RCSD1: variants seen among roughly 807,000 people sequenced by gnomAD.
RCSD1 encodes capZ-interacting protein.
In RCSD1, 26 loss-of-function variants were observed where a neutral mutation model predicts 42.5. That is an observed-to-expected ratio of 0.61 (90% CI 0.45 to 0.85). The LOEUF (loss-of-function observed/expected upper bound fraction) is 0.85. Among genes scored for constraint, RCSD1 ranks in the 40% least tolerant of loss-of-function variants. The pLI, the probability that RCSD1 is intolerant of heterozygous loss-of-function variation, is 0.00. For synonymous variants in RCSD1, 220 were observed against 212.2 expected (o/e 1.04, Z -0.32); for missense variants, 571 against 528.3 (o/e 1.08, Z -0.79).
In RCSD1 at chr1:167,697,294, G is replaced by A. The variant is rs751185286; in HGVS notation, c.670G>A (p.Ala224Thr). ...ATCCCCTTTGTCCAGTGAGGGAGCAGCGGGAGAGGGAGTGAGAACCCTGGG... is the reference window on the plus strand; with the variant it reads ...ATCCCCTTTGTCCAGTGAGGGAGCAACGGGAGAGGGAGTGAGAACCCTGGG... ...PGSPLSSEGA[A>T]GEGVRTLGPA... is the part of the protein sequence containing the mutation. Residue 224 changes from alanine (A) to threonine (T), a missense_variant, in exon 6 of 7, where the codon GCG becomes ACG. Coordinates refer to ENST00000367854, the MANE Select transcript of RCSD1 (RefSeq NM_052862.4). 3.7e-6 allele frequency: 6 copies of A among 1,614,156 alleles called. No individual in the cohort carries two copies. The South Asian group carries it at 6.6e-5, about 18-fold the overall frequency.
chr1:167,678,332 G>C (rs1191782527), intron 1 of RCSD1, among the ~76,000 whole-genome samples: 1 of 152,104 alleles, frequency 6.6e-6, no homozygotes, highest in Non-Finnish European at 1.5e-5. Flanking sequence ...ACGTCTAATA[G>C]ACATGTCAGA....
intron 1 of RCSD1, among the ~76,000 whole-genome samples, chr1:167,669,892 G>A (rs1020186403): frequency 6.6e-5 from 10 of 152,130 alleles, no homozygotes; most frequent in Admixed American, 3.3e-4. Context: ...GATGCAGACC[G>A]GGGGCTGGGT....
chr1:167,682,788 G>A (rs974574366), intron 1 of RCSD1, among the ~76,000 whole-genome samples: 7 of 151,956 alleles, frequency 4.6e-5, no homozygotes, highest in Non-Finnish European at 8.8e-5. Flanking sequence ...AGGCAGGATG[G>A]ACTTTCTCAG....
chr1:167,669,137 G>A (rs1368125762), intron 1 of RCSD1, among the ~76,000 whole-genome samples: 1 of 152,178 alleles, frequency 6.6e-6, no homozygotes, highest in African/African-American at 2.4e-5. Context: ...ATAATCTAAT[G>A]ACTGTGACAT....
intron 1 of RCSD1, among the ~76,000 whole-genome samples, chr1:167,649,129 G>A (rs1390410552): frequency 6.6e-6 from 1 of 152,170 alleles, no homozygotes; most frequent in Non-Finnish European, 1.5e-5. Context: ...GGGAAAGAAA[G>A]ACTTCTTAAA....
At chr1:167,667,048 G>T (rs1347242909) in intron 1 of RCSD1, among the ~76,000 whole-genome samples, 1 of 151,362 alleles carries the variant, frequency 6.6e-6, no homozygotes, top group Non-Finnish European at 1.5e-5. Context: ...GCAGGCTGGT[G>T]AGAGGAGATG....
At chr1:167,643,005 C>G (rs1658044677) in intron 1 of RCSD1, among the ~76,000 whole-genome samples, 1 of 152,214 alleles carries the variant, frequency 6.6e-6, no homozygotes, top group Non-Finnish European at 1.5e-5. Context: ...GAAAGACCAT[C>G]AATCCTGGGT....
chr1:167,639,031 C>A (rs1657936835), intron 1 of RCSD1, among the ~76,000 whole-genome samples: 1 of 152,118 alleles, frequency 6.6e-6, no homozygotes, highest in Admixed American at 6.5e-5. Flanking sequence ...TCCTGGCTAA[C>A]ACGATAAAAC....
chr1:167,698,605 T>G (rs1659556993), intron 6 of RCSD1, among the ~76,000 whole-genome samples: 1 of 151,854 alleles, frequency 6.6e-6, no homozygotes, highest in Admixed American at 6.6e-5. Context: ...CATCTTGAGC[T>G]CACCTATCTA....
In RCSD1 at chr1:167,690,087, G is replaced by A. The variant is rs1659340166; in HGVS notation, c.237G>A (p.Lys79=). 1 of 1,613,984 alleles carries A rather than the reference G, an allele frequency of 6.2e-7. No homozygotes were observed. The highest frequency in any genetic ancestry group is 1.3e-5 in the African/African-American group (1 of 74,894). ...ATGCGAGCCACCCTCCTAAATTCAA[G>A]GTCAAGAGCTCGCCTCTGATTGAGA... ...PPNASHPPKF[K]VKSSPLIEKL... The change falls in exon 4 of 7, where the codon AAG becomes AAA. Residue 79 remains lysine (K), a synonymous_variant. Transcript: ENST00000367854.
chr1:167,660,884 T>C (rs1026269376), intron 1 of RCSD1, among the ~76,000 whole-genome samples: 11 of 152,326 alleles, frequency 7.2e-5, no homozygotes, highest in East Asian at 1.9e-4. Context: ...CACCACCAAA[T>C]TGTTGGTTGA....
At chr1:167,636,835 C>T (rs1180138516) in intron 1 of RCSD1, among the ~76,000 whole-genome samples, 3 of 152,188 alleles carry the variant, frequency 2.0e-5, no homozygotes, top group Admixed American at 6.5e-5. Context: ...ATCCACCCAC[C>T]TCAGCCTCCC....
chr1:167,655,863 T>C (rs923597162), intron 1 of RCSD1, among the ~76,000 whole-genome samples: 2 of 152,188 alleles, frequency 1.3e-5, no homozygotes, highest in Middle Eastern at 3.2e-3. Flanking sequence ...GCAGAATACT[T>C]GTTCATTTAG....
Position 167,640,050 on chromosome 1 carries a change from G to A in RCSD1, c.6+9621G>A, listed in dbSNP as rs115433830. 5.5e-3 allele frequency among the ~76,000 whole-genome samples: 840 copies of A among 152,284 alleles called. 11 individuals are homozygous for A. The highest frequency in any genetic ancestry group is 0.018 in the African/African-American group (765 of 41,558). ...CTTGTTTTCCTTGGGGAAACAAATG[G>A]GAGACTCAAAGAGATGCCTGGCACT... On this transcript the variant is annotated intron_variant, in intron 1 of 6. Transcript: ENST00000367854.
At chr1:167,672,288 G>A (rs888202926) in intron 1 of RCSD1, among the ~76,000 whole-genome samples, 1 of 152,182 alleles carries the variant, frequency 6.6e-6, no homozygotes, top group East Asian at 1.9e-4. Flanking sequence ...AGAACACATC[G>A]TGGGTGCTTG....
At position 167,633,306 on chromosome 1, in the gene RCSD1, T is replaced by C. The variant is rs77542653; in HGVS notation, c.6+2877T>C. On this transcript the variant is annotated intron_variant, in intron 1 of 6. Transcript: ENST00000367854. The stretch of plus-strand genomic sequence containing the variant: ...TTCAAATGCATAAATGCCAGTTGAA[T>C]ACTGCTGCAGATCATGAGTTCTGCA... 3.1e-3 allele frequency among the ~76,000 whole-genome samples: 472 copies of C among 152,300 alleles called. 1 individual carries two copies. Among genetic ancestry groups the C allele is most frequent in the Non-Finnish European group, 4.5e-3 (304 of 68,020 alleles).
intron 5 of RCSD1, among the ~76,000 whole-genome samples, chr1:167,696,162 C>T (rs56102251): frequency 0.045 from 6,897 of 151,814 alleles, 210 homozygotes; most frequent in Middle Eastern, 0.12. Flanking sequence ...TGCACCAGGG[C>T]CTGGCCGTCA....
chr1:167,694,271 C>G lies in RCSD1; in HGVS notation c.443C>G (p.Pro148Arg), dbSNP rs754896512. The G allele has an allele frequency of 1.9e-6, 3 of 1,614,178 alleles. No individual in the cohort carries two copies. The change falls in exon 5 of 7, where the codon CCT becomes CGT. Residue 148 changes from proline to arginine, a missense_variant. Pro to Arg is a moderately radical substitution (Grantham distance 103). Coordinates refer to ENST00000367854, the MANE Select transcript of RCSD1 (RefSeq NM_052862.4). Reference sequence around the variant, plus strand: ...GTGCCTGTCAGCTTCGACCAGCCCCCTGAAGGCAGTCATCTGCCCTGTTAC... The same window carrying G: ...GTGCCTGTCAGCTTCGACCAGCCCCGTGAAGGCAGTCATCTGCCCTGTTAC... ...EEVPVSFDQPPEGSHLPCYNK... is the reference protein window; with the variant it reads ...EEVPVSFDQPREGSHLPCYNK...
chr1:167,633,623 C>T (rs1255574357), intron 1 of RCSD1: 1 of 152,152 alleles, frequency 6.6e-6, no homozygotes, highest in Non-Finnish European at 1.5e-5. Flanking sequence ...GAGCCTCAAA[C>T]GGGTGGCTTT....
Sources: gnomAD v4.1 joint callset for allele counts (sites outside exome capture counted in the v4.1 genomes callset) on GRCh38, gnomAD v4.1.1 for gene constraint, MANE v1.5 for transcripts, NCBI Gene and HGNC (gene_info 2026-07-23, HGNC 2026-07-21) for gene names.